LMTK2: variants seen among roughly 807,000 people sequenced by gnomAD.
LMTK2 encodes the protein lemur tail kinase 2, also known as serine/threonine-protein kinase LMTK2.
In LMTK2, 37 loss-of-function variants were observed where a neutral mutation model predicts 127.5. The observed-to-expected ratio is 0.29, with a 90% CI of 0.22 to 0.38. The LOEUF is 0.38. LMTK2 is among the 10% of genes least tolerant of loss of function. The pLI is 1.00. For missense variants in LMTK2, 1,694 were observed against 1,920.3 expected, an observed-to-expected ratio of 0.88 and a Z score of 2.20; for synonymous variants, 819 against 810.1, an observed-to-expected ratio of 1.01 and a Z score of -0.19.
At chr7:98,145,535 G>A (rs1188725070) in intron 3 of LMTK2, among the ~76,000 whole-genome samples, 1 of 152,142 alleles carries the variant, frequency 6.6e-6, no homozygotes, top group African/African-American at 2.4e-5. Flanking sequence ...GATGGTGTTA[G>A]GAGGAAATCC....
chr7:98,194,462 C>T lies in LMTK2; in HGVS notation c.3997C>T (p.Leu1333=), dbSNP rs1301772035. The T allele has an allele frequency of 1.2e-6, 2 of 1,613,988 alleles. No individual in the cohort carries two copies. Among genetic ancestry groups the T allele is most frequent in the Non-Finnish European group, 1.7e-6 (2 of 1,180,048 alleles). Residue 1333 remains leucine (L), a synonymous_variant, in exon 11 of 14, where the codon CTG becomes TTG. Coordinates refer to ENST00000297293, the MANE Select transcript of LMTK2 (RefSeq NM_014916.4). This position sits in a 1 kb window ranked among gnomAD's most constrained non-coding sequence, Gnocchi z 5.4. The part of the protein sequence containing the change: ...SNEDGRHLRS[L]LKPTAANAPD... ...CGAGGACGGAAGGCACCTGCGGAGT[C>T]TGTTGAAGCCCACAGCGGCCAATGC...
At chr7:98,125,377 ATTTAC>A (rs1796430399) in intron 1 of LMTK2, among the ~76,000 whole-genome samples, 1 of 151,244 alleles carries the variant, frequency 6.6e-6, no homozygotes, top group South Asian at 2.1e-4. Flanking sequence ...CGTATCATAT[ATTTAC>A]TTAGTTGCTT....
At chr7:98,162,731 A>G (rs1464260940) in intron 6 of LMTK2, among the ~76,000 whole-genome samples, 2 of 152,254 alleles carry the variant, frequency 1.3e-5, no homozygotes. Context: ...ATAATTAAAA[A>G]TACAATTACC....
intron 7 of LMTK2, among the ~76,000 whole-genome samples, chr7:98,181,104 T>C (rs1244088669): frequency 6.6e-6 from 1 of 152,194 alleles, no homozygotes; most frequent in Non-Finnish European, 1.5e-5. Context: ...CTGGAGATGC[T>C]GTTTTTCCAG....
At chr7:98,146,776 C>T (rs892361579) in intron 3 of LMTK2, among the ~76,000 whole-genome samples, 1 of 152,080 alleles carries the variant, frequency 6.6e-6, no homozygotes, top group Non-Finnish European at 1.5e-5. Context: ...TAAAAAGAGG[C>T]GTTAGACACC....
At chr7:98,143,592 T>C (rs1796728508) in intron 3 of LMTK2, among the ~76,000 whole-genome samples, 1 of 152,056 alleles carries the variant, frequency 6.6e-6, no homozygotes, top group South Asian at 2.1e-4. Context: ...TGAGAGCAGA[T>C]AGGTAAAGAT....
At chr7:98,183,616 A>G (rs1451813907) in intron 7 of LMTK2, among the ~76,000 whole-genome samples, 1 of 151,606 alleles carries the variant, frequency 6.6e-6, no homozygotes, top group Non-Finnish European at 1.5e-5. Flanking sequence ...TCTTGAACTT[A>G]TGACCTCATG....
chr7:98,135,616 T>C (rs2116356115), intron 1 of LMTK2, among the ~76,000 whole-genome samples: 1 of 152,228 alleles, frequency 6.6e-6, no homozygotes, highest in East Asian at 1.9e-4. Context: ...TCACTGTGCC[T>C]GCCATAGATG....
At chr7:98,195,068 A>G (rs1460566395) in intron 11 of LMTK2, among the ~76,000 whole-genome samples, 1 of 152,040 alleles carries the variant, frequency 6.6e-6, no homozygotes, top group Non-Finnish European at 1.5e-5. Context: ...ATTTTTGTAG[A>G]CACACGGTCT....
In LMTK2 at chr7:98,203,618, C is replaced by T. The variant is rs1484279018; in HGVS notation, c.4152C>T (p.Cys1384=). The T allele has an allele frequency of 1.1e-5, 17 of 1,610,070 alleles. No individual in the cohort carries two copies. Among genetic ancestry groups the T allele is most frequent in the East Asian group, 2.2e-5 (1 of 44,854 alleles). ...KELGPCGGEA[C]GPDLSGPAPA... ...TGGGGCCCTGTGGAGGAGAGGCGTGCGGCCCGGACCTGAGCGGCCCAGCCC... is the reference window on the plus strand; with the variant it reads ...TGGGGCCCTGTGGAGGAGAGGCGTGTGGCCCGGACCTGAGCGGCCCAGCCC... Residue 1384 remains cysteine (C), a synonymous_variant, in exon 12 of 14, where the codon TGC becomes TGT. Coordinates refer to ENST00000297293, the MANE Select transcript of LMTK2 (RefSeq NM_014916.4).
chr7:98,171,490 C>T lies in LMTK2; in HGVS notation c.658-51C>T, dbSNP rs1157475486. On this transcript the variant is annotated intron_variant, in intron 6 of 13. Coordinates refer to ENST00000297293, the MANE Select transcript of LMTK2 (RefSeq NM_014916.4). This position sits in a 1 kb window ranked among gnomAD's most constrained non-coding sequence, Gnocchi z 5.1. The stretch of plus-strand genomic sequence containing the variant: ...TCACCGAGGCACGTATTTAAGCGCT[C>T]ACTTTATTCCTGTGGCTCGTTTGGA... The T allele has an allele frequency of 3.7e-6, 6 of 1,613,128 alleles. No homozygotes were observed. The African/African-American group carries it at 5.3e-5, about 14-fold the overall frequency.
chr7:98,129,814 G>A (rs758737309), intron 1 of LMTK2, among the ~76,000 whole-genome samples: 7 of 151,710 alleles, frequency 4.6e-5, no homozygotes, highest in South Asian at 2.1e-4. Flanking sequence ...TTCTTACCCC[G>A]ACTTCTACCT....
At chr7:98,177,096 C>T (rs2116435234) in intron 7 of LMTK2, among the ~76,000 whole-genome samples, 1 of 152,304 alleles carries the variant, frequency 6.6e-6, no homozygotes, top group South Asian at 2.1e-4. Flanking sequence ...AAGAAGAGAA[C>T]ATTGCCCTTC....
In LMTK2 at chr7:98,146,669, A is replaced by G. The variant is rs190186825; in HGVS notation, c.377-4713A>G. ...CTGTACAGCTCAGTCCCATCCCTTT[A>G]TGTTGTTGTCACAAATTACATCTTT... On this transcript the variant is annotated intron_variant, in intron 3 of 13. Transcript: ENST00000297293. 3.2e-3 allele frequency among the ~76,000 whole-genome samples: 493 copies of G among 152,282 alleles called. 1 individual carries two copies. Among genetic ancestry groups the G allele is most frequent in the African/African-American group, 0.011 (476 of 41,544 alleles).
At position 98,208,847 on chromosome 7, in the gene LMTK2, A is replaced by G. The variant is rs759924570; in HGVS notation, c.*3355A>G. On this transcript the variant is annotated 3_prime_UTR_variant, in exon 14 of 14. Transcript: ENST00000297293. ...TACAGGTTCGATCGTTTCTATAGAA[A>G]TGGGTTTATCTAAGAAAAGTCTTGG... is the stretch of plus-strand genomic sequence containing the variant. 13 of 152,242 alleles carry G rather than the reference A, an allele frequency of 8.5e-5. No individual in the cohort carries two copies. Among genetic ancestry groups the G allele is most frequent in the Non-Finnish European group, 1.6e-4 (11 of 68,048 alleles). 9.4% of individuals were successfully genotyped at this position (152,242 alleles called of 1,614,324 possible). A position where few individuals can be genotyped will look rare whatever the true frequency, so the allele number is the denominator to read the frequency against.
At chr7:98,197,320 G>A (rs565297101) in intron 11 of LMTK2, among the ~76,000 whole-genome samples, 1 of 152,358 alleles carries the variant, frequency 6.6e-6, no homozygotes, top group African/African-American at 2.4e-5. Context: ...GCCCCAGTGA[G>A]TAGCAGTGCT....
chr7:98,207,772 G>A lies in LMTK2; in HGVS notation c.*2280G>A, dbSNP rs1158666048. On this transcript the variant is annotated 3_prime_UTR_variant, in exon 14 of 14. Coordinates refer to ENST00000297293, the MANE Select transcript of LMTK2 (RefSeq NM_014916.4). ...CCTCGAGTACATTTATTAACCTTTT[G>A]GGGCTGTCAGTTTTCCACTAGGATT... 2 of 152,044 alleles carry A rather than the reference G, an allele frequency of 1.3e-5. No individual in the cohort carries two copies. Among genetic ancestry groups the A allele is most frequent in the Non-Finnish European group, 2.9e-5 (2 of 68,014 alleles). The allele number at this position is 152,044 out of a possible 1,614,324, so 9.4% of individuals were successfully genotyped here.
At chr7:98,130,311 A>G (rs1796503838) in intron 1 of LMTK2, among the ~76,000 whole-genome samples, 1 of 152,190 alleles carries the variant, frequency 6.6e-6, no homozygotes, top group Non-Finnish European at 1.5e-5. Flanking sequence ...TTCATCAAAT[A>G]GGAAAGGATA....
rs375951269 is a variant in LMTK2, at chr7:98,135,907, C to A, written c.104-1408C>A. ...GCCCCTTAAAGATGTAGAAATCATT[C>A]TTTGCTGGAGAGTCAGGGGAGGCCC... On this transcript the variant is annotated intron_variant, in intron 1 of 13. Coordinates refer to ENST00000297293, the MANE Select transcript of LMTK2 (RefSeq NM_014916.4). Among the ~76,000 whole-genome samples, 31 of 151,476 alleles carry A rather than the reference C, an allele frequency of 2.0e-4. No homozygotes were observed. The East Asian group carries it at 5.8e-3, about 28-fold the overall frequency.
Sources: gnomAD v4.1 joint callset for allele counts (sites outside exome capture counted in the v4.1 genomes callset) on GRCh38, gnomAD v4.1.1 for gene constraint, Gnocchi (gnomAD v3.1) non-coding constraint, MANE v1.5 for transcripts, NCBI Gene and HGNC (gene_info 2026-07-23, HGNC 2026-07-21) for gene names.